Variants in KCNMA1 observed in about 807,000 individuals in gnomAD.
KCNMA1 encodes Calcium-activated potassium channel subunit alpha-1.
Under a neutral mutation model 140.0 loss-of-function variants are expected in KCNMA1, and 29 were observed. That is an observed-to-expected ratio of 0.21 (90% CI 0.15 to 0.28). The LOEUF (loss-of-function observed/expected upper bound fraction) is 0.28. KCNMA1 is among the 10% of genes least tolerant of loss of function. KCNMA1 has a pLI of 1.00. For missense variants in KCNMA1, 880 were observed against 1,602.2 expected (o/e 0.55, Z 7.70); for synonymous variants, 612 against 611.9 (o/e 1.00, Z 0.00).
chr10:77,232,310 T>C (rs2053881926), intron 3 of KCNMA1, among the ~76,000 whole-genome samples: 1 of 152,238 alleles, frequency 6.6e-6, no homozygotes, highest in Non-Finnish European at 1.5e-5. Context: ...TAGCTCTGTC[T>C]TTCAGTTTTT....
At chr10:77,508,661 G>A (rs986044400) in intron 1 of KCNMA1, among the ~76,000 whole-genome samples, 3 of 129,170 alleles carry the variant, frequency 2.3e-5, no homozygotes, top group African/African-American at 3.0e-5. Context: ...ATCTCACTAC[G>A]TTGCCTAGGC....
At chr10:77,520,231 G>A (rs561561960) in intron 1 of KCNMA1, among the ~76,000 whole-genome samples, 97 of 142,262 alleles carry the variant, frequency 6.8e-4, no homozygotes, top group Non-Finnish European at 1.3e-3. Context: ...GCAGTGTGAG[G>A]GTATGCAGTG....
chr10:77,246,742 G>T (rs2058619522), intron 3 of KCNMA1, among the ~76,000 whole-genome samples: 1 of 152,200 alleles, frequency 6.6e-6, no homozygotes, highest in Admixed American at 6.5e-5. Flanking sequence ...ATGAATAAAT[G>T]GGTGAGTGGA....
At chr10:76,969,517 T>C (rs1415212809) in intron 20 of KCNMA1, among the ~76,000 whole-genome samples, 3 of 152,204 alleles carry the variant, frequency 2.0e-5, no homozygotes, top group Non-Finnish European at 4.4e-5. Context: ...GAAGGTAATC[T>C]TCAGGTTCAT....
Position 76,944,984 on chromosome 10 carries a change from A to G in KCNMA1, c.2710-19T>C, listed in dbSNP as rs1436113197. 1 of 1,600,512 alleles carries G rather than the reference A, an allele frequency of 6.2e-7. No individual in the cohort carries two copies. Among genetic ancestry groups the G allele is most frequent in the African/African-American group, 1.4e-5 (1 of 71,782 alleles). On this transcript the variant is annotated intron_variant, in intron 22 of 27. Transcript: ENST00000286628. Reference sequence around the variant, plus strand: ...GCGTACCCTTTGGCATAGAGGAAAGAAAAAAAAACAGAGATGGGGGGAGAA... The same window carrying G: ...GCGTACCCTTTGGCATAGAGGAAAGGAAAAAAAACAGAGATGGGGGGAGAA...
chr10:77,179,492 C>T (rs1341964764), intron 5 of KCNMA1, among the ~76,000 whole-genome samples: 2 of 152,064 alleles, frequency 1.3e-5, no homozygotes, highest in South Asian at 2.1e-4. Context: ...CAGGAGAACA[C>T]GGAGTCTTAA....
At chr10:77,219,015 T>C (rs1216726966) in intron 3 of KCNMA1, among the ~76,000 whole-genome samples, 1 of 152,120 alleles carries the variant, frequency 6.6e-6, no homozygotes, top group East Asian at 1.9e-4. Context: ...AATAAATTTT[T>C]TAGAGCTAGC....
intron 1 of KCNMA1, among the ~76,000 whole-genome samples, chr10:77,533,481 C>T (rs1030707308): frequency 1.3e-5 from 2 of 152,118 alleles, no homozygotes; most frequent in African/African-American, 2.4e-5. Flanking sequence ...GCAGGCATCC[C>T]GGGAGGAGGA....
At chr10:77,611,627 CTTA>C (rs2086927306) in intron 1 of KCNMA1, among the ~76,000 whole-genome samples, 1 of 141,196 alleles carries the variant, frequency 7.1e-6, no homozygotes, top group Admixed American at 7.4e-5. Context: ...TTAAGTGTGA[CTTA>C]TTATCATTTT....
chr10:77,112,313 G>C lies in KCNMA1; in HGVS notation c.960+54C>G, dbSNP rs2097344891. ...AAATTTTAGGTAATAAAATGACTCA[G>C]AGAGGGTCTTGTTGCAGGCAAGCGA... On this transcript the variant is annotated intron_variant, in intron 7 of 27. Transcript: ENST00000286628. The C allele has an allele frequency of 2.4e-5, 30 of 1,249,034 alleles. No individual in the cohort carries two copies. In the South Asian group the frequency reaches 3.4e-4, roughly 14 times the overall value. 77.4% of individuals were successfully genotyped at this position (1,249,034 alleles called of 1,614,324 possible).
rs533543817 is a variant in KCNMA1, at chr10:77,404,178, T to C, written c.379-155A>G. On this transcript the variant is annotated intron_variant, in intron 1 of 27. Transcript: ENST00000286628. ...AAAGCAGAAGGGGTAAATTATGCCT[T>C]TGATTTTTTTAAAGCCTTTATTTAA... Among the ~76,000 whole-genome samples, 38 of 152,338 alleles carry C rather than the reference T, an allele frequency of 2.5e-4. No homozygotes were observed. In the East Asian group the frequency reaches 6.6e-3, roughly 26 times the overall value.
intron 17 of KCNMA1, chr10:77,012,440 T>A (rs1237291863): frequency 6.5e-7 from 1 of 1,549,708 alleles, no homozygotes; most frequent in Admixed American, 2.0e-5. Context: ...CACAGTCTGG[T>A]CAAATATATA....
chr10:77,075,590 G>C (rs1217520490), intron 13 of KCNMA1, among the ~76,000 whole-genome samples: 1 of 152,210 alleles, frequency 6.6e-6, no homozygotes, highest in Non-Finnish European at 1.5e-5. Context: ...TGTCTGGTTT[G>C]AGTTCTGTAG....
intron 5 of KCNMA1, among the ~76,000 whole-genome samples, chr10:77,124,690 T>A (rs575461680): frequency 6.6e-6 from 1 of 152,318 alleles, no homozygotes; most frequent in Non-Finnish European, 1.5e-5. Context: ...TGAGTTTCAC[T>A]AATGCAAATG....
At chr10:76,926,918 C>T (rs2057874873) in intron 23 of KCNMA1, among the ~76,000 whole-genome samples, 1 of 152,142 alleles carries the variant, frequency 6.6e-6, no homozygotes, top group Non-Finnish European at 1.5e-5. Context: ...TCAGGAGTAG[C>T]CCCTAAGGCA....
At chr10:77,142,603 C>T (rs1597044362) in intron 5 of KCNMA1, among the ~76,000 whole-genome samples, 6 of 151,694 alleles carry the variant, frequency 4.0e-5, no homozygotes, top group South Asian at 4.2e-4. Context: ...TTTTTTAGGC[C>T]GAGGGAACAG....
At chr10:77,251,389 C>T (rs2059634061) in intron 2 of KCNMA1, 133 bp from the exon 3 acceptor site, 2 of 725,572 alleles carry the variant, frequency 2.8e-6, no homozygotes, top group Admixed American at 4.0e-5. Flanking sequence ...ATCTCACCCT[C>T]ATCCCCAGCC....
chr10:77,084,821 G>T, intron 11 of KCNMA1, 102 bp from the exon 12 acceptor site: 1 of 632,926 alleles, frequency 1.6e-6, no homozygotes. Flanking sequence ...GCTTTGCAAA[G>T]AAAAAAAAAA....
At chr10:76,992,549 GAGA>G (rs1375157661) in intron 19 of KCNMA1, among the ~76,000 whole-genome samples, 7 of 152,198 alleles carry the variant, frequency 4.6e-5, no homozygotes, top group African/African-American at 1.7e-4. Flanking sequence ...GCCCCAGAGA[GAGA>G]AGGACAACAC....
Sources: gnomAD v4.1 joint callset for allele counts (sites outside exome capture counted in the v4.1 genomes callset) on GRCh38, gnomAD v4.1.1 for gene constraint, MANE v1.5 for transcripts, NCBI Gene and HGNC (gene_info 2026-07-23, HGNC 2026-07-21) for gene names.